Variants in CACNA1G observed in about 807,000 individuals in gnomAD.
CACNA1G encodes calcium voltage-gated channel subunit alpha1 G.
Under a neutral mutation model 219.4 loss-of-function variants are expected in CACNA1G, and 67 were observed. The observed-to-expected ratio is 0.31, with a 90% CI of 0.25 to 0.37. The LOEUF is 0.37. Ranked by LOEUF, CACNA1G falls within the 10% of genes least tolerant of loss-of-function variation. The pLI, the probability that CACNA1G is intolerant of heterozygous loss-of-function variation, is 1.00. For synonymous variants in CACNA1G, 1,296 were observed against 1,345.3 expected (o/e 0.96, Z 0.80); for missense variants, 2,380 against 3,231.4 (o/e 0.74, Z 6.39).
In CACNA1G at chr17:50,621,951, C is replaced by T. The variant is rs1192208298; in HGVS notation, c.6060+157C>T. On this transcript the variant is annotated intron_variant, in intron 35 of 37. Coordinates refer to ENST00000359106, the MANE Select transcript of CACNA1G (RefSeq NM_018896.5). The surrounding 1 kb of genome is among the most constrained non-coding windows in gnomAD (Gnocchi z 4.6). ...CAACTGTCAGGACCTCGGTGGCCCA[C>T]GCTTTGCTGGCACAAGGTCTTCAGG... Among the ~76,000 whole-genome samples the T allele has an allele frequency of 2.0e-5, 3 of 152,044 alleles. No individual in the cohort carries two copies. Among genetic ancestry groups the T allele is most frequent in the South Asian group, 2.1e-4 (1 of 4,816 alleles).
chr17:50,616,255 C>T lies in CACNA1G; in HGVS notation c.4912-20C>T, dbSNP rs1310229332. 8 of 1,512,202 alleles carry T rather than the reference C, an allele frequency of 5.3e-6. No individual in the cohort carries two copies. In the South Asian group the frequency reaches 9.0e-5, roughly 17 times the overall value. 93.7% of individuals were successfully genotyped at this position (1,512,202 alleles called of 1,614,324 possible). ...CCCTGGGCCTTAAGGGACCCTGCAT[C>T]TTGCCCCCATCCCTGCCAGATTCTG... On this transcript the variant is annotated intron_variant, in intron 27 of 37. Transcript: ENST00000359106.
chr17:50,591,200 C>G (rs2044257206), intron 10 of CACNA1G, among the ~76,000 whole-genome samples: 1 of 152,348 alleles, frequency 6.6e-6, no homozygotes, highest in South Asian at 2.1e-4. Context: ...AGGGAGTTGT[C>G]TACTGCCAGG....
chr17:50,566,386 C>G (rs2037870043), intron 1 of CACNA1G, among the ~76,000 whole-genome samples: 1 of 151,110 alleles, frequency 6.6e-6, no homozygotes, highest in Middle Eastern at 3.2e-3. Context: ...TCCGTTTATG[C>G]TTACGTGTCG....
At chr17:50,566,556 G>A (rs140908316) in intron 1 of CACNA1G, among the ~76,000 whole-genome samples, 3 of 152,334 alleles carry the variant, frequency 2.0e-5, no homozygotes, top group Admixed American at 2.0e-4. Flanking sequence ...CCTGGGTAAG[G>A]TGGGGACAGA....
chr17:50,591,602 T>C lies in CACNA1G; in HGVS notation c.2621T>C (p.Leu874Pro). Residue 874 changes from leucine (L) to proline (P), a missense_variant, in exon 11 of 38, where the codon CTC (leucine) becomes CCC (proline). Physicochemically the swap from Leu to Pro is moderately conservative, Grantham distance 98. Coordinates refer to ENST00000359106, the MANE Select transcript of CACNA1G (RefSeq NM_018896.5). ...NVATFCMLLM[L>P]FIFIFSILGM... ...GCCACCTTCTGCATGCTGCTTATGCTCTTCATCTTCATCTTCAGGTGAGGG... is the reference window on the plus strand; with the variant it reads ...GCCACCTTCTGCATGCTGCTTATGCCCTTCATCTTCATCTTCAGGTGAGGG... 1 of 1,613,018 alleles carries C rather than the reference T, an allele frequency of 6.2e-7. No homozygotes were observed. Among genetic ancestry groups the C allele is most frequent in the Non-Finnish European group, 8.5e-7 (1 of 1,179,496 alleles).
At chr17:50,606,479 G>T (rs1213092899) in intron 23 of CACNA1G, 5 of 582,100 alleles carry the variant, frequency 8.6e-6, no homozygotes, top group Non-Finnish European at 1.5e-5. Context: ...CAATAAGGAT[G>T]CAATGAGATG....
chr17:50,563,924 C>T (rs945527292), intron 1 of CACNA1G: 6 of 152,300 alleles, frequency 3.9e-5, no homozygotes, highest in African/African-American at 1.4e-4. Flanking sequence ...GGGCCTCCCT[C>T]TTTCTCTTTG....
rs3062844 is a variant in CACNA1G at position 50,570,557 on chromosome 17, C to CTGTGTG, written c.586+781_586+786dup. Among the ~76,000 whole-genome samples, 190 of 132,690 alleles carry CTGTGTG rather than the reference C, an allele frequency of 1.4e-3. 2 individuals are homozygous for CTGTGTG. The highest frequency in any genetic ancestry group is 3.7e-3 in the Middle Eastern group (1 of 272). 87.0% of individuals were successfully genotyped at this position (132,690 alleles called of 152,430 possible). ...TGATGTAGCAGCAGCCCCCTGCGCT[C>CTGTGTG]TGTGTGTGTGTGTGTGTGTGTGTGT... is the stretch of plus-strand genomic sequence containing the variant. On this transcript the variant is annotated intron_variant, in intron 4 of 37. Transcript: ENST00000359106.
At chr17:50,601,297 G>C (rs2046581210) in intron 19 of CACNA1G, 123 bp downstream of exon 19, 1 of 1,224,912 alleles carries the variant, frequency 8.2e-7, no homozygotes, top group African/African-American at 1.5e-5. Flanking sequence ...GAGGGGGCCA[G>C]GACTCTCCTT....
rs200630160 is a variant in CACNA1G, at chr17:50,619,007, C to A, written c.5780C>A (p.Thr1927Lys). 3.3e-6 allele frequency: 5 copies of A among 1,517,716 alleles called. No homozygotes were observed. The African/African-American group carries it at 6.9e-5, about 21-fold the overall frequency. 94.0% of individuals were successfully genotyped at this position (1,517,716 alleles called of 1,614,324 possible). ...SASHFSLEHP[T>K]DRQLFDTISL... The stretch of plus-strand genomic sequence containing the variant: ...TCCCACTTTTCCCTGGAGCACCCCA[C>A]GGTGAGCAGACACCCACCCCAGCCG... Residue 1927 changes from threonine to lysine, a missense_variant and splice_region_variant, in exon 33 of 38, where the codon ACG (threonine) becomes AAG (lysine). Thr to Lys is a moderately conservative substitution (Grantham distance 78). This residue lies in a region of CACNA1G where 672 missense variants were observed against 670.5 expected (regional missense o/e 1.00). Transcript: ENST00000359106.
chr17:50,597,949 T>TTCATCC (rs2045894494), intron 16 of CACNA1G, among the ~76,000 whole-genome samples: 2 of 152,266 alleles, frequency 1.3e-5, no homozygotes, highest in South Asian at 4.1e-4. Flanking sequence ...TATCCTCCAG[T>TTCATCC]TCATCCATGT....
At position 50,621,508 on chromosome 17, in the gene CACNA1G, G is replaced by C. The variant is rs1312224172; in HGVS notation, c.5926-152G>C. 6.6e-6 allele frequency among the ~76,000 whole-genome samples: 1 copy of C among 152,194 alleles called. No individual in the cohort carries two copies. The highest frequency in any genetic ancestry group is 1.5e-5 in the Non-Finnish European group (1 of 68,022). On this transcript the variant is annotated intron_variant, in intron 34 of 37. Transcript: ENST00000359106. The surrounding 1 kb of genome is among the most constrained non-coding windows in gnomAD (Gnocchi z 4.6). ...GGCACTGTCAGCTTGTTTGGGGAAA[G>C]GGTGGGGAGAGAGAAGGGATGCCTT...
intron 37 of CACNA1G, among the ~76,000 whole-genome samples, 162 bp from the exon 38 acceptor site, chr17:50,625,855 A>G (rs1284097323): frequency 2.6e-5 from 4 of 152,144 alleles, no homozygotes; most frequent in Non-Finnish European, 4.4e-5. Context: ...GTCAGGCTGC[A>G]ATGACCCCTA....
At position 50,568,870 on chromosome 17, in the gene CACNA1G, C is replaced by A. The variant is rs773853745; in HGVS notation, c.243C>A (p.Pro81=). ...RSWCLRTVCN[P]WFERISMLVI... ...CAGCTGTTTCCTTGACTGCCAGTAC[C>A]TGGTTTGAGCGCATCAGCATGTTGG... Residue 81 remains proline, a splice_region_variant and synonymous_variant, in exon 2 of 38, where the codon CCC becomes CCA. Transcript: ENST00000359106. 8.1e-6 allele frequency: 13 copies of A among 1,613,324 alleles called. No homozygotes were observed. The South Asian group carries it at 1.4e-4, about 18-fold the overall frequency.
intron 9 of CACNA1G, among the ~76,000 whole-genome samples, chr17:50,587,888 G>A (rs2043308119): frequency 6.6e-6 from 1 of 152,058 alleles, no homozygotes; most frequent in Non-Finnish European, 1.5e-5. Flanking sequence ...GTGTGCACGT[G>A]TCCACAAGCC....
chr17:50,574,671 A>G (rs2144840947), intron 7 of CACNA1G, among the ~76,000 whole-genome samples: 1 of 152,282 alleles, frequency 6.6e-6, no homozygotes, highest in Middle Eastern at 3.4e-3. Context: ...CCCCTGAAAA[A>G]TCTTTCCTAA....
intron 37 of CACNA1G, 26 bp from the exon 38 acceptor site, chr17:50,625,991 G>A: frequency 6.3e-7 from 1 of 1,578,730 alleles, no homozygotes; most frequent in Non-Finnish European, 8.6e-7. Context: ...AGACTGCTGG[G>A]CTGAGCCCTC....
At chr17:50,624,324 T>TCCCCCCCCCCCCCCCCCCCGGCCCCC in intron 36 of CACNA1G, 36 bp from the exon 37 acceptor site, 3 of 1,177,662 alleles carry the variant, frequency 2.5e-6, no homozygotes, top group Non-Finnish European at 3.7e-6. Context: ...CTCCATTCTC[T>TCCCCCCCCCCCCCCCCCCCGGCCCCC]CCCCCCACCC....
chr17:50,625,465 C>G (rs1049319097), intron 37 of CACNA1G, among the ~76,000 whole-genome samples: 2 of 152,262 alleles, frequency 1.3e-5, no homozygotes, highest in African/African-American at 4.8e-5. Context: ...GGAGACATGC[C>G]TGCCATCAGA....
Sources: gnomAD v4.1 joint callset for allele counts (sites outside exome capture counted in the v4.1 genomes callset) on GRCh38, gnomAD v4.1.1 for gene constraint, gnomAD v4.1.1 regional missense constraint, Gnocchi (gnomAD v3.1) non-coding constraint, MANE v1.5 for transcripts, NCBI Gene and HGNC (gene_info 2026-07-23, HGNC 2026-07-21) for gene names.